The following MOXD1 variants were observed in gnomAD, a reference collection of about 807,000 sequenced individuals.
MOXD1 encodes the protein DBH-like monooxygenase protein 1.
MOXD1 carries 62 observed loss-of-function variants against 66.6 expected under a neutral mutation model. That is an observed-to-expected ratio of 0.93 (90% confidence interval 0.76 to 1.15). The LOEUF (loss-of-function observed/expected upper bound fraction) is 1.15, where lower values mean the gene tolerates loss of function less well. Among genes scored for constraint, MOXD1 ranks in the 50% most tolerant of loss-of-function variants. The pLI is 0.00. For synonymous variants in MOXD1, 303 were observed against 281.9 expected (o/e 1.07, Z -0.75); for missense variants, 847 against 754.6 (o/e 1.12, Z -1.44).
intron 4 of MOXD1, among the ~76,000 whole-genome samples, chr6:132,330,364 C>G (rs1177949717): frequency 2.0e-5 from 3 of 152,180 alleles, no homozygotes; most frequent in Non-Finnish European, 4.4e-5. Context: ...TATGAACTAA[C>G]TGTGCATGTG....
At position 132,322,875 on chromosome 6, in the gene MOXD1, AG is replaced by A; in HGVS notation, c.1114-6del. On this transcript the variant is annotated splice_region_variant and splice_polypyrimidine_tract_variant and intron_variant, in intron 7 of 11. Transcript: ENST00000367963. ...TGGCTTTTCGGCTTCCAGAGCCTAC[AG>A]GAGACACCGAGGAAGACCCGATTAG... 1 of 1,608,612 alleles carries A rather than the reference AG, an allele frequency of 6.2e-7. No individual in the cohort carries two copies. Among genetic ancestry groups the A allele is most frequent in the Non-Finnish European group, 8.5e-7 (1 of 1,177,822 alleles).
chr6:132,356,787 T>A (rs965146133), intron 4 of MOXD1, among the ~76,000 whole-genome samples: 3 of 152,132 alleles, frequency 2.0e-5, no homozygotes, highest in Non-Finnish European at 4.4e-5. Flanking sequence ...CTAATTTGTT[T>A]ACAAATAAAA....
chr6:132,315,490 T>C, intron 10 of MOXD1, 145 bp downstream of exon 10: 1 of 947,248 alleles, frequency 1.1e-6, no homozygotes, highest in Non-Finnish European at 1.6e-6. Context: ...TCAAAAAGGT[T>C]ACTTGGTCTC....
At chr6:132,303,592 G>A (rs1274956126) in intron 10 of MOXD1, among the ~76,000 whole-genome samples, 2 of 150,986 alleles carry the variant, frequency 1.3e-5, no homozygotes, top group African/African-American at 4.9e-5. Flanking sequence ...AAAATATTCT[G>A]TGCATGTTCA....
chr6:132,367,179 T>A (rs1391768292), intron 4 of MOXD1, among the ~76,000 whole-genome samples: 1 of 152,052 alleles, frequency 6.6e-6, no homozygotes, highest in Non-Finnish European at 1.5e-5. Context: ...AATGAAGTGA[T>A]GGACAAACTA....
At chr6:132,315,007 G>A (rs1023926974) in intron 10 of MOXD1, among the ~76,000 whole-genome samples, 2 of 152,150 alleles carry the variant, frequency 1.3e-5, no homozygotes, top group Admixed American at 6.5e-5. Flanking sequence ...AACTTAAATA[G>A]TAAACGATTT....
chr6:132,364,045 A>C (rs571471794), intron 4 of MOXD1, among the ~76,000 whole-genome samples: 1 of 152,244 alleles, frequency 6.6e-6, no homozygotes, highest in South Asian at 2.1e-4. Context: ...GTAGAAGAAA[A>C]ATTAAAAAAT....
chr6:132,315,151 C>T (rs1774914380), intron 10 of MOXD1, among the ~76,000 whole-genome samples: 1 of 152,148 alleles, frequency 6.6e-6, no homozygotes, highest in South Asian at 2.1e-4. Flanking sequence ...AGGCAGAGAC[C>T]ACCTATATGA....
chr6:132,309,949 C>G (rs1195714882), intron 10 of MOXD1, among the ~76,000 whole-genome samples: 1 of 152,186 alleles, frequency 6.6e-6, no homozygotes, highest in South Asian at 2.1e-4. Context: ...TGGGCAAAGA[C>G]TTCATGACAA....
intron 1 of MOXD1, among the ~76,000 whole-genome samples, chr6:132,388,956 A>T (rs1369131104): frequency 6.6e-6 from 1 of 151,358 alleles, no homozygotes; most frequent in Non-Finnish European, 1.5e-5. Flanking sequence ...GGCTATGAGG[A>T]TGAAAGAAAG....
chr6:132,331,401 G>C (rs71574616), intron 4 of MOXD1, among the ~76,000 whole-genome samples: 1 of 152,292 alleles, frequency 6.6e-6, no homozygotes, highest in South Asian at 2.1e-4. Flanking sequence ...CATTGAAGTA[G>C]AGGAAGAGGG....
chr6:132,381,239 A>G (rs769271923), intron 1 of MOXD1, among the ~76,000 whole-genome samples: 4 of 152,166 alleles, frequency 2.6e-5, no homozygotes, highest in Non-Finnish European at 4.4e-5. Flanking sequence ...AAACACAAGA[A>G]CCTATCATCT....
Position 132,328,410 on chromosome 6 carries a change from C to A in MOXD1, c.843+5G>T, listed in dbSNP as rs764092444. On this transcript the variant is annotated splice_donor_5th_base_variant and intron_variant, in intron 5 of 11. Coordinates refer to ENST00000367963, the MANE Select transcript of MOXD1 (RefSeq NM_015529.4). ...GTGTTACATCTCAGTAATCATTAGC[C>A]CCACCTCTCCACCAATAGCCCAGGC... 3 of 1,613,722 alleles carry A rather than the reference C, an allele frequency of 1.9e-6. No homozygotes were observed. Among genetic ancestry groups the A allele is most frequent in the Admixed American group, 3.3e-5 (2 of 59,972 alleles).
rs114559564 is a variant in MOXD1, at chr6:132,318,944, T to C, written c.1365+1685A>G. ...TCCTTTTCCATTTATCTAAATGCTA[T>C]GTCTATCATAAACCAAGTTTCCATC... On this transcript the variant is annotated intron_variant, in intron 9 of 11. Transcript: ENST00000367963. Among the ~76,000 whole-genome samples the C allele has an allele frequency of 8.5e-3, 1,295 of 152,162 alleles. 18 individuals are homozygous for C. Among genetic ancestry groups the C allele is most frequent in the Middle Eastern group, 0.031 (9 of 294 alleles).
intron 4 of MOXD1, among the ~76,000 whole-genome samples, chr6:132,330,690 G>A (rs571572178): frequency 2.0e-5 from 3 of 152,258 alleles, no homozygotes; most frequent in East Asian, 3.9e-4. Context: ...TTCAGGCACC[G>A]CATTTTAAAA....
At chr6:132,326,751 T>G (rs1775196420) in intron 6 of MOXD1, among the ~76,000 whole-genome samples, 1 of 152,166 alleles carries the variant, frequency 6.6e-6, no homozygotes, top group South Asian at 2.1e-4. Context: ...GAAATTAAAG[T>G]GAATTCAGAG....
intron 4 of MOXD1, among the ~76,000 whole-genome samples, chr6:132,340,441 C>CTTTTTTTTTT (rs71868555): frequency 9.4e-6 from 1 of 106,288 alleles, no homozygotes; most frequent in Non-Finnish European, 1.9e-5. Flanking sequence ...GCAACACTTT[C>CTTTTTTTTTT]TTTTTTTTTT....
chr6:132,312,544 T>C (rs1315220793), intron 10 of MOXD1, among the ~76,000 whole-genome samples: 1 of 152,156 alleles, frequency 6.6e-6, no homozygotes, highest in Non-Finnish European at 1.5e-5. Context: ...GAGGCTCTTT[T>C]GTGCTCATAT....
chr6:132,317,494 C>G (rs908001454), intron 9 of MOXD1, among the ~76,000 whole-genome samples: 2 of 152,090 alleles, frequency 1.3e-5, no homozygotes, highest in African/African-American at 4.8e-5. Flanking sequence ...ACTGCTGGCT[C>G]TCCTACTGTA....
Sources: gnomAD v4.1 joint callset for allele counts (sites outside exome capture counted in the v4.1 genomes callset) on GRCh38, gnomAD v4.1.1 for gene constraint, MANE v1.5 for transcripts, NCBI Gene and HGNC (gene_info 2026-07-23, HGNC 2026-07-21) for gene names.